ARAP2: variants seen among roughly 807,000 people sequenced by gnomAD.
The protein encoded by ARAP2 is arf-GAP with Rho-GAP domain, ANK repeat and PH domain-containing protein 2.
Under a neutral mutation model 194.5 loss-of-function variants are expected in ARAP2, and 148 were observed. That is an observed-to-expected ratio of 0.76 (90% CI 0.67 to 0.87). The LOEUF (loss-of-function observed/expected upper bound fraction) is 0.87, where lower values mean the gene tolerates loss of function less well. ARAP2 is among the 40% of genes least tolerant of loss of function. The pLI is 0.00. For missense variants in ARAP2, 2,128 were observed against 1,989.7 expected, an observed-to-expected ratio of 1.07 and a Z score of -1.32; for synonymous variants, 695 against 683.5, an observed-to-expected ratio of 1.02 and a Z score of -0.26.
intron 19 of ARAP2, among the ~76,000 whole-genome samples, chr4:36,143,717 T>C (rs1000134461): frequency 6.6e-6 from 1 of 151,820 alleles, no homozygotes; most frequent in Non-Finnish European, 1.5e-5. Context: ...GTACATTAGC[T>C]ATACGAAGAG....
intron 6 of ARAP2, among the ~76,000 whole-genome samples, chr4:36,205,825 C>T (rs780531547): frequency 6.6e-6 from 1 of 152,170 alleles, no homozygotes; most frequent in Non-Finnish European, 1.5e-5. Context: ...AGGAATTAAC[C>T]AGGTAATTTT....
intron 6 of ARAP2, among the ~76,000 whole-genome samples, chr4:36,194,948 C>CT (rs757332396): frequency 6.6e-6 from 1 of 151,842 alleles, no homozygotes; most frequent in Non-Finnish European, 1.5e-5. Context: ...CTTTGAGAAG[C>CT]TGAGGTGGGT....
At chr4:36,165,403 G>A (rs1436137221) in intron 10 of ARAP2, among the ~76,000 whole-genome samples, 1 of 152,076 alleles carries the variant, frequency 6.6e-6, no homozygotes, top group Non-Finnish European at 1.5e-5. Flanking sequence ...GCCTAAACAA[G>A]AGGCTATGTT....
chr4:36,116,654 T>A (rs1721400357), intron 25 of ARAP2, among the ~76,000 whole-genome samples: 1 of 151,842 alleles, frequency 6.6e-6, no homozygotes, highest in South Asian at 2.1e-4. Flanking sequence ...TGCTGAGCAA[T>A]GTGCTAAGGG....
intron 9 of ARAP2, among the ~76,000 whole-genome samples, chr4:36,012,130 G>A (rs995934254): frequency 3.3e-5 from 5 of 152,186 alleles, no homozygotes; most frequent in South Asian, 2.1e-4. Flanking sequence ...AAATGTCTAC[G>A]ATTCTTCATA....
chr4:36,112,496 T>C (rs937874041), intron 26 of ARAP2, among the ~76,000 whole-genome samples: 1 of 151,920 alleles, frequency 6.6e-6, no homozygotes, highest in Non-Finnish European at 1.5e-5. Flanking sequence ...TTTCTGGCAA[T>C]AATGCTGACA....
intron 1 of ARAP2, among the ~76,000 whole-genome samples, chr4:36,235,474 C>A (rs148374896): frequency 6.6e-6 from 1 of 152,166 alleles, no homozygotes; most frequent in Non-Finnish European, 1.5e-5. Context: ...TGCTCAAATG[C>A]GCCCTCTTCA....
intron 5 of ARAP2, among the ~76,000 whole-genome samples, chr4:36,045,481 T>C (rs1032359706): frequency 6.6e-6 from 1 of 152,004 alleles, no homozygotes; most frequent in African/African-American, 2.4e-5. Context: ...ATGTGGAATA[T>C]AAAAAAGTTG....
At position 36,229,319 on chromosome 4, in the gene ARAP2, G is replaced by A; in HGVS notation, c.168C>T (p.His56=). Residue 56 remains histidine, a synonymous_variant, in exon 2 of 33, where the codon CAC becomes CAT. Coordinates refer to ENST00000303965, the MANE Select transcript of ARAP2 (RefSeq NM_015230.4). ...LQKIGISPTG[H]RRRILKQLQI... is the part of the protein sequence containing the mutation. ...GTAACTGTTTAAGTATCCTCCTACGGTGACCTGTAGGTGATATTCCAATTT... is the reference window on the plus strand; with the variant it reads ...GTAACTGTTTAAGTATCCTCCTACGATGACCTGTAGGTGATATTCCAATTT... 1 of 1,614,030 alleles carries A rather than the reference G, an allele frequency of 6.2e-7. No homozygotes were observed.
intron 1 of ARAP2, chr4:36,058,254 TA>T (rs1161060610): frequency 6.6e-6 from 1 of 152,242 alleles, no homozygotes. Context: ...CTTACTGTTA[TA>T]CGTGGCATCA....
At chr4:36,143,864 G>A (rs1650368560) in intron 19 of ARAP2, among the ~76,000 whole-genome samples, 1 of 151,764 alleles carries the variant, frequency 6.6e-6, no homozygotes, top group South Asian at 2.1e-4. Flanking sequence ...TACCAAAAAT[G>A]TTATTAACTG....
intron 5 of ARAP2, 39 bp downstream of exon 5, chr4:36,212,357 A>T (rs1292353330): frequency 1.3e-6 from 2 of 1,483,126 alleles, no homozygotes. Context: ...ATAACAGTTT[A>T]TTCTAAATAG....
chr4:36,014,324 GAGAAAGAAAGAAAGAAAGAA>G (rs1181898359), intron 8 of ARAP2, among the ~76,000 whole-genome samples: 4,051 of 109,708 alleles, frequency 0.037, 121 homozygotes, highest in Admixed American at 0.073. Context: ...GAAAGAAAGA[GAGAAAGAAAGAAAGAAAGAA>G]AGAAAGAAAG....
intron 6 of ARAP2, among the ~76,000 whole-genome samples, chr4:36,196,660 T>C (rs904178031): frequency 6.6e-6 from 1 of 151,982 alleles, no homozygotes; most frequent in Non-Finnish European, 1.5e-5. Context: ...GTGTAGCAGA[T>C]GAAAGAACAT....
intron 5 of ARAP2, among the ~76,000 whole-genome samples, chr4:36,038,316 G>A (rs1472730019): frequency 6.6e-6 from 1 of 152,132 alleles, no homozygotes; most frequent in Non-Finnish European, 1.5e-5. Flanking sequence ...TGTCTCAAAA[G>A]ACTATAAAGG....
chr4:36,231,699 A>G (rs1286528624), intron 1 of ARAP2, among the ~76,000 whole-genome samples: 1 of 152,170 alleles, frequency 6.6e-6, no homozygotes, highest in Non-Finnish European at 1.5e-5. Flanking sequence ...AAATACATAC[A>G]CACACGCACA....
chr4:36,048,187 C>G (rs1322286869), intron 3 of ARAP2, among the ~76,000 whole-genome samples: 3 of 152,166 alleles, frequency 2.0e-5, no homozygotes. Flanking sequence ...TATAAATGCA[C>G]AGGTTTATTT....
chr4:36,145,974 T>G (rs528123324), intron 19 of ARAP2, among the ~76,000 whole-genome samples: 5 of 151,952 alleles, frequency 3.3e-5, no homozygotes, highest in African/African-American at 1.2e-4. Context: ...CCAGATCCAC[T>G]TTGCCACCAA....
chr4:36,116,089 A>T (rs1721248353), intron 25 of ARAP2, among the ~76,000 whole-genome samples: 1 of 151,960 alleles, frequency 6.6e-6, no homozygotes, highest in Non-Finnish European at 1.5e-5. Context: ...TGCATTCAGT[A>T]TAAGAAATAT....
Sources: gnomAD v4.1 joint callset for allele counts (sites outside exome capture counted in the v4.1 genomes callset) on GRCh38, gnomAD v4.1.1 for gene constraint, MANE v1.5 for transcripts, NCBI Gene and HGNC (gene_info 2026-07-23, HGNC 2026-07-21) for gene names.